The following SYN3 variants were observed in gnomAD, a reference collection of about 807,000 sequenced individuals.
SYN3 encodes synapsin-3.
A neutral mutation model predicts 65.8 loss-of-function variants in SYN3; 35 were observed. The observed-to-expected ratio is 0.53, with a 90% CI of 0.41 to 0.70. The LOEUF (loss-of-function observed/expected upper bound fraction) is 0.70. Among genes scored for constraint, SYN3 ranks in the 30% least tolerant of loss-of-function variants. The pLI is 0.00. For missense variants in SYN3, 680 were observed against 749.0 expected (o/e 0.91, Z 1.08); for synonymous variants, 270 against 292.9 (o/e 0.92, Z 0.80).
intron 6 of SYN3, among the ~76,000 whole-genome samples, chr22:32,698,956 T>C (rs2060775058): frequency 6.6e-6 from 1 of 152,140 alleles, no homozygotes; most frequent in African/African-American, 2.4e-5. Flanking sequence ...TACCCAAGGT[T>C]GTGAGGCCCC....
At chr22:32,610,217 G>T (rs1227958318) in intron 6 of SYN3, among the ~76,000 whole-genome samples, 3 of 152,058 alleles carry the variant, frequency 2.0e-5, no homozygotes, top group African/African-American at 7.2e-5. Context: ...GGAGGCAGAG[G>T]TTGCAGTGAG....
chr22:32,834,725 G>A (rs1243155213), intron 6 of SYN3, among the ~76,000 whole-genome samples: 1 of 152,198 alleles, frequency 6.6e-6, no homozygotes, highest in Non-Finnish European at 1.5e-5. Context: ...GTGCTTTGCA[G>A]GGAGAGGTGC....
intron 6 of SYN3, among the ~76,000 whole-genome samples, chr22:32,785,164 G>A (rs922904698): frequency 3.9e-5 from 6 of 152,012 alleles, no homozygotes; most frequent in African/African-American, 1.2e-4. Context: ...GGGGTCAGTC[G>A]GTGCAGCTCT....
chr22:32,653,727 C>T (rs1393233241), intron 6 of SYN3, among the ~76,000 whole-genome samples: 1 of 152,100 alleles, frequency 6.6e-6, no homozygotes, highest in East Asian at 1.9e-4. Context: ...AGACTCGGGT[C>T]CAAATTCTCA....
rs564244596 is a variant in SYN3 at position 32,916,171 on chromosome 22, T to G, written c.461+15219A>C. On this transcript the variant is annotated intron_variant, in intron 4 of 13. Transcript: ENST00000358763. The stretch of plus-strand genomic sequence containing the variant: ...CCAAGGCAACAGACTGAATGTGAAG[T>G]TTACTTGGACCTTCCAGCCCAGCCA... Among the ~76,000 whole-genome samples, 11 of 152,316 alleles carry G rather than the reference T, an allele frequency of 7.2e-5. No homozygotes were observed. In the South Asian group the frequency reaches 1.9e-3, roughly 26 times the overall value.
chr22:32,888,042 T>A (rs1190785715), intron 4 of SYN3, among the ~76,000 whole-genome samples: 1 of 152,120 alleles, frequency 6.6e-6, no homozygotes, highest in Non-Finnish European at 1.5e-5. Context: ...CAATACCTCA[T>A]TATAGTTTTT....
chr22:32,571,714 C>A (rs1165086130), intron 7 of SYN3, among the ~76,000 whole-genome samples: 1 of 152,126 alleles, frequency 6.6e-6, no homozygotes, highest in East Asian at 1.9e-4. Context: ...AATGAAAGTT[C>A]TTCTCTGCCA....
intron 6 of SYN3, chr22:32,857,271 T>A: frequency 1.2e-6 from 2 of 1,614,110 alleles, no homozygotes; most frequent in Non-Finnish European, 8.5e-7. Flanking sequence ...TTCACCAAGA[T>A]GCCCCATGTG....
rs1027920695 is a variant in SYN3 at position 32,510,028 on chromosome 22, T to C, written c.*3664A>G. Among the ~76,000 whole-genome samples the C allele has an allele frequency of 6.6e-6, 1 of 152,164 alleles. No homozygotes were observed. Among genetic ancestry groups the C allele is most frequent in the Non-Finnish European group, 1.5e-5 (1 of 68,036 alleles). On this transcript the variant is annotated 3_prime_UTR_variant, in exon 14 of 14. Transcript: ENST00000358763. ...CACAGATACTGGAGTATCTGGGAGA[T>C]ATCCTTTGGATGCTGAGGTGTGTCT...
intron 6 of SYN3, among the ~76,000 whole-genome samples, chr22:32,650,766 C>A (rs1471137815): frequency 6.6e-6 from 1 of 152,210 alleles, no homozygotes; most frequent in Non-Finnish European, 1.5e-5. Flanking sequence ...CGCGTGTTTA[C>A]TGTACAGCGC....
chr22:32,879,489 G>A (rs1456403632), intron 4 of SYN3, among the ~76,000 whole-genome samples: 8 of 152,204 alleles, frequency 5.3e-5, no homozygotes, highest in Non-Finnish European at 8.8e-5. Context: ...CTGGTTTGTA[G>A]ATGGCACATT....
At chr22:32,847,280 C>T (rs1210485700) in intron 6 of SYN3, among the ~76,000 whole-genome samples, 2 of 152,120 alleles carry the variant, frequency 1.3e-5, no homozygotes, top group East Asian at 1.9e-4. Flanking sequence ...GCTGGCTTGT[C>T]GCCGAGAATA....
chr22:32,902,529 T>C (rs1436630280), intron 4 of SYN3, among the ~76,000 whole-genome samples: 1 of 152,256 alleles, frequency 6.6e-6, no homozygotes, highest in African/African-American at 2.4e-5. Flanking sequence ...ATTGGTTTTT[T>C]ATTAGCCTAT....
At chr22:32,780,983 T>TTCCTTCCTTCCTTCCTTCCGTCCTTCCC (rs747486689) in intron 6 of SYN3, among the ~76,000 whole-genome samples, 1 of 78,136 alleles carries the variant, frequency 1.3e-5, no homozygotes, top group African/African-American at 4.4e-5. Context: ...CCTTCCCTCC[T>TTCCTTCCTTCCTTCCTTCCGTCCTTCCC]TCCTTCCTCT....
intron 4 of SYN3, among the ~76,000 whole-genome samples, chr22:32,918,519 T>G (rs1182169735): frequency 6.6e-6 from 1 of 152,214 alleles, no homozygotes; most frequent in Non-Finnish European, 1.5e-5. Flanking sequence ...ATCTTATATC[T>G]CTATATTATT....
At chr22:33,009,533 G>A (rs573039679) in intron 1 of SYN3, among the ~76,000 whole-genome samples, 11 of 151,926 alleles carry the variant, frequency 7.2e-5, no homozygotes, top group African/African-American at 2.4e-4. Flanking sequence ...TCTCAGATAC[G>A]TACATTGTAA....
intron 6 of SYN3, among the ~76,000 whole-genome samples, chr22:32,719,660 C>T (rs1217327914): frequency 6.6e-6 from 1 of 152,080 alleles, no homozygotes; most frequent in African/African-American, 2.4e-5. Flanking sequence ...CTGAGCAACA[C>T]AGTGAGACAC....
chr22:32,800,385 T>C (rs1358868508), intron 6 of SYN3, among the ~76,000 whole-genome samples: 1 of 152,138 alleles, frequency 6.6e-6, no homozygotes, highest in East Asian at 1.9e-4. Context: ...GAAGGAGCAG[T>C]GGAAAGGGGT....
chr22:32,799,032 T>C (rs144385795), intron 6 of SYN3, among the ~76,000 whole-genome samples: 8 of 152,304 alleles, frequency 5.3e-5, no homozygotes, highest in Non-Finnish European at 1.0e-4. Flanking sequence ...TCACCCCACC[T>C]AGCTTATTAA....
Sources: allele counts gnomAD v4.1 joint callset (sites outside exome capture counted in the v4.1 genomes callset), GRCh38; gene constraint gnomAD v4.1.1; transcripts MANE v1.5; gene names NCBI Gene and HGNC (gene_info 2026-07-23, HGNC 2026-07-21).